The following CENPL variants were observed in gnomAD, a reference collection of about 807,000 sequenced individuals.
CENPL encodes the protein interphase centromere complex protein 33.
CENPL carries 20 observed loss-of-function variants against 35.2 expected under a neutral mutation model. The observed-to-expected ratio is 0.57, with a 90% CI of 0.40 to 0.83. The LOEUF is 0.83. CENPL is among the 40% of genes least tolerant of loss of function. The probability of loss-of-function intolerance (pLI) is 0.00; values close to 1 mark genes in which losing one functional copy is unlikely to be tolerated. For missense variants in CENPL, 363 were observed against 395.8 expected (o/e 0.92, Z 0.70); for synonymous variants, 140 against 140.6 (o/e 1.00, Z 0.03).
At chr1:173,811,098 T>C (rs185825948) in intron 3 of CENPL, 34 bp downstream of exon 3, 135 of 1,584,910 alleles carry the variant, frequency 8.5e-5, no homozygotes, top group Non-Finnish European at 1.1e-4. Context: ...TATTCTCAAT[T>C]ATTGACTAAC....
chr1:173,808,107 T>G (rs1650409780), intron 3 of CENPL, among the ~76,000 whole-genome samples: 2 of 152,136 alleles, frequency 1.3e-5, no homozygotes, highest in Admixed American at 6.6e-5. Context: ...TGATTAGTCT[T>G]AATTTAAAAA....
At chr1:173,822,686 A>G (rs1652070585) in intron 2 of CENPL, 1 of 152,060 alleles carries the variant, frequency 6.6e-6, no homozygotes, top group South Asian at 2.1e-4. Flanking sequence ...TCTTCCTTCA[A>G]CATCACCTTT....
At chr1:173,820,801 A>G (rs543380580) in intron 2 of CENPL, among the ~76,000 whole-genome samples, 14 of 152,364 alleles carry the variant, frequency 9.2e-5, no homozygotes, top group Admixed American at 4.6e-4. Flanking sequence ...AAGGTCACAT[A>G]TAAAATTTCA....
intron 4 of CENPL, 76 bp from the exon 5 acceptor site, chr1:173,803,581 C>A: frequency 3.0e-6 from 4 of 1,330,554 alleles, no homozygotes; most frequent in Non-Finnish European, 4.1e-6. Context: ...AAAATTAGTT[C>A]ATTAAAAATA....
chr1:173,822,937 C>T (rs1652111225), intron 2 of CENPL: 1 of 152,310 alleles, frequency 6.6e-6, no homozygotes, highest in Admixed American at 6.5e-5. Context: ...TGGGGTTTCT[C>T]CATGTTGGCC....
intron 2 of CENPL, among the ~76,000 whole-genome samples, chr1:173,812,847 T>C (rs190243469): frequency 6.6e-6 from 1 of 152,296 alleles, no homozygotes; most frequent in East Asian, 1.9e-4. Context: ...AGAAGTAGGC[T>C]TCAGAAGGTC....
chr1:173,813,026 A>T (rs1347643155), intron 2 of CENPL, among the ~76,000 whole-genome samples: 2 of 152,240 alleles, frequency 1.3e-5, no homozygotes, highest in Non-Finnish European at 2.9e-5. Flanking sequence ...TTCATGATGC[A>T]TGCACAAGCT....
intron 3 of CENPL, among the ~76,000 whole-genome samples, chr1:173,809,107 G>A (rs1389729350): frequency 1.3e-5 from 2 of 152,262 alleles, no homozygotes; most frequent in African/African-American, 2.4e-5. Flanking sequence ...TTGGGAGGCC[G>A]AGGCGGGTGG....
At chr1:173,808,908 G>T (rs978286349) in intron 3 of CENPL, among the ~76,000 whole-genome samples, 18 of 152,104 alleles carry the variant, frequency 1.2e-4, no homozygotes, top group African/African-American at 4.3e-4. Flanking sequence ...TTAAACTAAA[G>T]GGCTTCTGCA....
intron 2 of CENPL, chr1:173,823,066 C>T (rs1433513506): frequency 6.6e-6 from 1 of 152,184 alleles, no homozygotes; most frequent in African/African-American, 2.4e-5. Flanking sequence ...AAGATATACA[C>T]TTGTCCTCTT....
chr1:173,821,584 C>T (rs562169539), intron 2 of CENPL, among the ~76,000 whole-genome samples: 1 of 152,096 alleles, frequency 6.6e-6, no homozygotes, highest in East Asian at 1.9e-4. Context: ...GTAAAATAGC[C>T]CAATCCACGA....
intron 5 of CENPL, among the ~76,000 whole-genome samples, chr1:173,802,411 T>C (rs1393407114): frequency 6.6e-6 from 1 of 152,124 alleles, no homozygotes; most frequent in African/African-American, 2.4e-5. Context: ...TTTCACCGTG[T>C]TAGCCAGCAT....
intron 4 of CENPL, 23 bp from the exon 5 acceptor site, chr1:173,803,528 C>T (rs1251349104): frequency 6.6e-7 from 1 of 1,520,928 alleles, no homozygotes; most frequent in East Asian, 2.3e-5. Flanking sequence ...TAAACAGGCT[C>T]CTTAAATTCA....
intron 5 of CENPL, among the ~76,000 whole-genome samples, chr1:173,801,018 G>C (rs1176056897): frequency 6.6e-6 from 1 of 151,800 alleles, no homozygotes; most frequent in Non-Finnish European, 1.5e-5. Flanking sequence ...TTTAATGCTG[G>C]TCTCATCAAA....
chr1:173,824,801 C>T lies in CENPL; in HGVS notation c.-691G>A. On this transcript the variant is annotated 5_prime_UTR_variant, in exon 1 of 6. Transcript: ENST00000682279. ...CAGGTCTGCGAGATTTGAAACGCGACTGTTACTCCTTGTTTTCCGGTTCTG... is the reference window on the plus strand; with the variant it reads ...CAGGTCTGCGAGATTTGAAACGCGATTGTTACTCCTTGTTTTCCGGTTCTG... 5.0e-6 allele frequency: 1 copy of T among 200,500 alleles called. No homozygotes were observed. Among genetic ancestry groups the T allele is most frequent in the East Asian group, 1.4e-4 (1 of 7,404 alleles). 12.4% of individuals were successfully genotyped at this position (200,500 alleles called of 1,614,324 possible). A position where few individuals can be genotyped will look rare whatever the true frequency, so the allele number is the denominator to read the frequency against.
intron 3 of CENPL, 75 bp downstream of exon 3, chr1:173,811,056 AG>A (rs1227370827): frequency 1.5e-6 from 2 of 1,347,260 alleles, no homozygotes; most frequent in Admixed American, 3.8e-5. Flanking sequence ...AGAATACTAT[AG>A]TTACAAAAAT....
intron 2 of CENPL, among the ~76,000 whole-genome samples, chr1:173,820,773 T>C (rs1290461911): frequency 2.6e-5 from 4 of 152,192 alleles, no homozygotes; most frequent in African/African-American, 9.6e-5. Context: ...ACAACTTGGA[T>C]GTTAAAGCCA....
intron 2 of CENPL, among the ~76,000 whole-genome samples, chr1:173,814,757 C>T (rs1327526767): frequency 1.3e-5 from 2 of 152,168 alleles, no homozygotes; most frequent in East Asian, 3.8e-4. Context: ...GACACCCTAA[C>T]ATCACAATTA....
chr1:173,804,385 T>TAGTTAAAAGAACTGTGTAA (rs1650027621), intron 4 of CENPL, among the ~76,000 whole-genome samples: 1 of 152,214 alleles, frequency 6.6e-6, no homozygotes, highest in East Asian at 1.9e-4. Context: ...ACCATTCACC[T>TAGTTAAAAGAACTGTGTAA]ATGACATACA....
Sources: allele counts gnomAD v4.1 joint callset (sites outside exome capture counted in the v4.1 genomes callset), GRCh38; gene constraint gnomAD v4.1.1; transcripts MANE v1.5; gene names NCBI Gene and HGNC (gene_info 2026-07-23, HGNC 2026-07-21).